Variants in MGAT4C observed in about 807,000 individuals in gnomAD.
The protein encoded by MGAT4C is MGAT4 family member C.
Under a neutral mutation model 40.1 loss-of-function variants are expected in MGAT4C, and 19 were observed. That is an observed-to-expected ratio of 0.47 (90% confidence interval 0.33 to 0.70). MGAT4C has a LOEUF of 0.70. MGAT4C is among the 30% of genes least tolerant of loss of function. The pLI is 0.02. For missense variants in MGAT4C, 491 were observed against 563.2 expected, an observed-to-expected ratio of 0.87 and a Z score of 1.30; for synonymous variants, 181 against 187.1, an observed-to-expected ratio of 0.97 and a Z score of 0.27.
At chr12:86,440,430 C>A (rs998652255) in intron 2 of MGAT4C, among the ~76,000 whole-genome samples, 7 of 151,872 alleles carry the variant, frequency 4.6e-5, no homozygotes, top group Non-Finnish European at 1.0e-4. Flanking sequence ...ACCCAGCATC[C>A]CTTTATGATA....
intron 2 of MGAT4C, among the ~76,000 whole-genome samples, chr12:86,491,352 T>C (rs1489804935): frequency 1.3e-5 from 2 of 152,082 alleles, no homozygotes; most frequent in African/African-American, 4.8e-5. Flanking sequence ...AAAAAAAGAA[T>C]TTTAGACCAA....
Position 86,305,586 on chromosome 12 carries a change from C to T in MGAT4C, c.-57+28479G>A, listed in dbSNP as rs192266669. Among the ~76,000 whole-genome samples, 481 of 150,140 alleles carry T rather than the reference C, an allele frequency of 3.2e-3. 40 individuals carry two copies. The highest frequency in any genetic ancestry group is 0.011 in the African/African-American group (456 of 39,764). Reference sequence around the variant, plus strand: ...TCTTAAAATAATATATATAGTCATTCGTTGGTATCCATGTGATATTGGTTC... The same window carrying T: ...TCTTAAAATAATATATATAGTCATTTGTTGGTATCCATGTGATATTGGTTC... On this transcript the variant is annotated intron_variant, in intron 4 of 7. Coordinates refer to the MGAT4C transcript ENST00000548651.
chr12:86,569,739 T>C (rs1228088743), intron 2 of MGAT4C, among the ~76,000 whole-genome samples: 1 of 152,128 alleles, frequency 6.6e-6, no homozygotes, highest in Non-Finnish European at 1.5e-5. Flanking sequence ...TGTGAAGCTC[T>C]ATTTTTATTG....
intron 2 of MGAT4C, among the ~76,000 whole-genome samples, chr12:86,501,945 A>C (rs1297545423): frequency 6.6e-6 from 1 of 152,126 alleles, no homozygotes; most frequent in Admixed American, 6.6e-5. Context: ...ACTAATTTAC[A>C]TTCCCACCAA....
At chr12:86,763,614 A>C (rs991169273) in intron 1 of MGAT4C, among the ~76,000 whole-genome samples, 2 of 152,202 alleles carry the variant, frequency 1.3e-5, no homozygotes, top group Non-Finnish European at 2.9e-5. Flanking sequence ...AATTTCAATA[A>C]AACCAATTAC....
chr12:86,104,111 C>A lies in MGAT4C; in HGVS notation c.-56-54388G>T, dbSNP rs534054163. 2.4e-4 allele frequency among the ~76,000 whole-genome samples: 36 copies of A among 151,930 alleles called. 1 individual carries two copies. The highest frequency in any genetic ancestry group is 8.4e-4 in the African/African-American group (35 of 41,458). The stretch of plus-strand genomic sequence containing the variant: ...ATTGGACAAAACAGGAGACACTAAT[C>A]CAAAGTTGGAAATTGGGATAGATCA... On this transcript the variant is annotated intron_variant, in intron 1 of 4. Transcript: ENST00000611864.
chr12:86,832,039 T>C (rs1460726700), intron 1 of MGAT4C, among the ~76,000 whole-genome samples: 1 of 151,852 alleles, frequency 6.6e-6, no homozygotes, highest in Admixed American at 6.6e-5. Context: ...TCAAGGATGT[T>C]CTAACAAATT....
rs1883579312 is a variant in MGAT4C, at chr12:85,970,650, G to A, written c.*8639C>T. On this transcript the variant is annotated 3_prime_UTR_variant, in exon 5 of 5. Coordinates refer to ENST00000611864, the MANE Select transcript of MGAT4C (RefSeq NM_001351288.2). ...TAGTAAAGTACTAATTGAATTTAGT[G>A]ATTAGACTGTGATTAGACTATTACA... is the stretch of plus-strand genomic sequence containing the variant. 1 of 147,790 alleles carries A rather than the reference G, an allele frequency of 6.8e-6. No homozygotes were observed. Among genetic ancestry groups the A allele is most frequent in the Admixed American group, 6.7e-5 (1 of 14,872 alleles). 9.2% of individuals were successfully genotyped at this position (147,790 alleles called of 1,614,324 possible).
chr12:86,042,867 C>CAAAAA (rs140809256), intron 2 of MGAT4C, among the ~76,000 whole-genome samples: 2 of 107,952 alleles, frequency 1.9e-5, no homozygotes, highest in Non-Finnish European at 3.6e-5. Flanking sequence ...GACTCTGTCT[C>CAAAAA]AAAAAAAAAA....
intron 1 of MGAT4C, among the ~76,000 whole-genome samples, chr12:86,775,981 G>A (rs1270937721): frequency 2.0e-5 from 3 of 151,754 alleles, no homozygotes; most frequent in African/African-American, 4.8e-5. Flanking sequence ...TTGACTGAAC[G>A]AATAACTTAT....
rs544347857 is a variant in MGAT4C, at chr12:86,569,822, C to T, written c.-228-134557G>A. Among the ~76,000 whole-genome samples, 5 of 152,072 alleles carry T rather than the reference C, an allele frequency of 3.3e-5. No individual in the cohort carries two copies. The South Asian group carries it at 1.0e-3, about 32-fold the overall frequency. ...GCAATCGATGAAGGGATTACAAAAA[C>T]GTGGTGTAAACATACACAATGGAAT... On this transcript the variant is annotated intron_variant, in intron 2 of 7. Coordinates refer to the MGAT4C transcript ENST00000548651.
chr12:86,199,780 T>C (rs545283454), intron 1 of MGAT4C, among the ~76,000 whole-genome samples: 1 of 152,240 alleles, frequency 6.6e-6, no homozygotes, highest in African/African-American at 2.4e-5. Context: ...GGAAAATGTG[T>C]ATCACTAATG....
intron 1 of MGAT4C, among the ~76,000 whole-genome samples, chr12:86,771,686 ATGTGTGTGTGTGTG>A (rs59917182): frequency 0.28 from 41,356 of 146,774 alleles, 7,054 homozygotes; most frequent in Admixed American, 0.43. Flanking sequence ...ATAAATATAT[ATGTGTGTGTGTGTG>A]TGTGTGTGTG....
rs765762244 is a variant in MGAT4C at position 85,958,038 on chromosome 12, TGTG to T, written c.*21248_*21250del. 0.29 allele frequency: 34,336 copies of T among 119,424 alleles called. 4,508 individuals are homozygous for T. Among genetic ancestry groups the T allele is most frequent in the Non-Finnish European group, 0.32 (19,571 of 60,318 alleles). The allele number at this position is 119,424 out of a possible 1,614,324, so 7.4% of individuals were successfully genotyped here. ...TGTTTACAGTTTTTCTAAGTGTTTT[TGTG>T]TGTGTGTGTGTGTGTGTGTGTGTGT... is the stretch of plus-strand genomic sequence containing the variant. On this transcript the variant is annotated 3_prime_UTR_variant, in exon 5 of 5. Coordinates refer to ENST00000611864, the MANE Select transcript of MGAT4C (RefSeq NM_001351288.2).
rs973585601 is a variant in MGAT4C, at chr12:86,012,154, C to A, written c.-6-22602G>T. On this transcript the variant is annotated intron_variant, in intron 2 of 4. Transcript: ENST00000611864. The stretch of plus-strand genomic sequence containing the variant: ...CAGGATGATACATCATCTTTATATA[C>A]CCTTAATGTCATAGACATTTGCTTG... Among the ~76,000 whole-genome samples, 5 of 152,238 alleles carry A rather than the reference C, an allele frequency of 3.3e-5. No individual in the cohort carries two copies. The East Asian group carries it at 9.7e-4, about 29-fold the overall frequency.
intron 2 of MGAT4C, among the ~76,000 whole-genome samples, chr12:86,645,058 T>G (rs575015304): frequency 2.6e-5 from 4 of 151,602 alleles, no homozygotes; most frequent in African/African-American, 9.7e-5. Flanking sequence ...TGTGATCTCA[T>G]ATATATGAAT....
chr12:86,826,060 G>A (rs960079551), intron 1 of MGAT4C, among the ~76,000 whole-genome samples: 1 of 151,292 alleles, frequency 6.6e-6, no homozygotes, highest in Non-Finnish European at 1.5e-5. Flanking sequence ...AGTGTATCCA[G>A]GACCCAACAA....
chr12:86,819,459 C>T (rs573690523), intron 1 of MGAT4C, among the ~76,000 whole-genome samples: 5 of 150,886 alleles, frequency 3.3e-5, no homozygotes, highest in African/African-American at 1.2e-4. Flanking sequence ...TCTCTAGAAA[C>T]TTGTAATAAT....
intron 2 of MGAT4C, among the ~76,000 whole-genome samples, chr12:86,041,400 A>C (rs1891826038): frequency 6.6e-6 from 1 of 151,820 alleles, no homozygotes; most frequent in East Asian, 1.9e-4. Flanking sequence ...CAGTTCCCCT[A>C]GGTCTGATGT....
Sources: gnomAD v4.1 joint callset for allele counts (sites outside exome capture counted in the v4.1 genomes callset) on GRCh38, gnomAD v4.1.1 for gene constraint, MANE v1.5 for transcripts, NCBI Gene and HGNC (gene_info 2026-07-23, HGNC 2026-07-21) for gene names.